Variants in MAN1C1 observed in about 807,000 individuals in gnomAD.
MAN1C1 encodes mannosyl-oligosaccharide 1,2-alpha-mannosidase IC.
A neutral mutation model predicts 71.5 loss-of-function variants in MAN1C1; 49 were observed. The observed-to-expected ratio is 0.69, with a 90% CI of 0.54 to 0.87. The LOEUF (loss-of-function observed/expected upper bound fraction) is 0.87, where lower values mean the gene tolerates loss of function less well. Among genes scored for constraint, MAN1C1 ranks in the 40% least tolerant of loss-of-function variants. MAN1C1 has a pLI of 0.00. For synonymous variants in MAN1C1, 352 were observed against 343.7 expected (o/e 1.02, Z -0.27); for missense variants, 743 against 835.0 (o/e 0.89, Z 1.36).
chr1:25,653,467 T>C (rs967738602), intron 1 of MAN1C1, among the ~76,000 whole-genome samples: 1 of 152,224 alleles, frequency 6.6e-6, no homozygotes, highest in Non-Finnish European at 1.5e-5. Flanking sequence ...TTTTGTGTTG[T>C]GTTGTGACTA....
chr1:25,690,900 G>A (rs1370511208), intron 2 of MAN1C1, among the ~76,000 whole-genome samples: 1 of 152,208 alleles, frequency 6.6e-6, no homozygotes, highest in Non-Finnish European at 1.5e-5. Flanking sequence ...GTCAGGGGAG[G>A]CAGGGGAGGA....
intron 1 of MAN1C1, among the ~76,000 whole-genome samples, chr1:25,623,834 G>C (rs921183312): frequency 1.3e-5 from 2 of 152,186 alleles, no homozygotes; most frequent in Non-Finnish European, 2.9e-5. Context: ...TGGCAAAATT[G>C]GGAAGGATTT....
intron 2 of MAN1C1, among the ~76,000 whole-genome samples, chr1:25,688,714 C>G (rs546013552): frequency 1.3e-5 from 2 of 152,322 alleles, no homozygotes; most frequent in African/African-American, 4.8e-5. Flanking sequence ...GTGGCCAAAT[C>G]CAAGGCACTT....
chr1:25,714,646 A>T (rs2046656556), intron 2 of MAN1C1, among the ~76,000 whole-genome samples: 1 of 152,212 alleles, frequency 6.6e-6, no homozygotes, highest in South Asian at 2.1e-4. Context: ...ACTAATTCTC[A>T]GATTAACATT....
chr1:25,679,545 T>C (rs2046116462), intron 1 of MAN1C1, among the ~76,000 whole-genome samples: 1 of 146,874 alleles, frequency 6.8e-6, no homozygotes, highest in African/African-American at 2.7e-5. Flanking sequence ...CCAGTAAAAT[T>C]TCCTAAATGA....
intron 1 of MAN1C1, among the ~76,000 whole-genome samples, chr1:25,621,455 G>T (rs886680438): frequency 2.6e-5 from 4 of 152,138 alleles, no homozygotes; most frequent in African/African-American, 7.2e-5. Context: ...TAGGAAATGG[G>T]GGATGTCATT....
chr1:25,636,425 A>G (rs1247536333), intron 1 of MAN1C1, among the ~76,000 whole-genome samples: 1 of 152,130 alleles, frequency 6.6e-6, no homozygotes, highest in African/African-American at 2.4e-5. Context: ...CAGGGTATTA[A>G]TTATTAATAT....
chr1:25,624,226 C>G (rs188731530), intron 1 of MAN1C1, among the ~76,000 whole-genome samples: 64 of 152,306 alleles, frequency 4.2e-4, no homozygotes, highest in African/African-American at 1.4e-3. Flanking sequence ...CCTCACTCCC[C>G]CTTCACTCTG....
At chr1:25,736,365 GC>G (rs1006632056) in intron 2 of MAN1C1, among the ~76,000 whole-genome samples, 1 of 152,088 alleles carries the variant, frequency 6.6e-6, no homozygotes, top group Non-Finnish European at 1.5e-5. Flanking sequence ...TGTGATAACA[GC>G]CCCATGCATT....
chr1:25,771,730 G>A lies in MAN1C1; in HGVS notation c.1215G>A (p.Lys405=). 6.2e-7 allele frequency: 1 copy of A among 1,614,176 alleles called. No individual in the cohort carries two copies. Among genetic ancestry groups the A allele is most frequent in the Non-Finnish European group, 8.5e-7 (1 of 1,180,018 alleles). ...YLIKSWLMSG[K]TDMEAKNMYY... is the part of the protein sequence containing the mutation. ...TCAAATCCTGGTTGATGTCGGGCAA[G>A]ACAGATATGGAGGCTAAAAATATGT... The change falls in exon 8 of 12, where the codon AAG becomes AAA. Residue 405 remains lysine (K), a synonymous_variant. Coordinates refer to ENST00000374332, the MANE Select transcript of MAN1C1 (RefSeq NM_020379.4).
chr1:25,665,240 G>A (rs1029863011), intron 1 of MAN1C1, among the ~76,000 whole-genome samples: 2 of 152,120 alleles, frequency 1.3e-5, no homozygotes, highest in African/African-American at 2.4e-5. Flanking sequence ...GCCTGGTAAC[G>A]TCCCTTTGTG....
chr1:25,688,398 C>T (rs1374060717), intron 2 of MAN1C1, among the ~76,000 whole-genome samples: 1 of 152,180 alleles, frequency 6.6e-6, no homozygotes, highest in African/African-American at 2.4e-5. Flanking sequence ...AAGAAAGCTT[C>T]CTCCTTCTCT....
intron 4 of MAN1C1, among the ~76,000 whole-genome samples, chr1:25,751,733 CCGATTT>C (rs1227170334): frequency 1.3e-5 from 2 of 152,202 alleles, no homozygotes; most frequent in Non-Finnish European, 2.9e-5. Flanking sequence ...CATGTTATCA[CCGATTT>C]GCAGATGAGG....
At chr1:25,747,238 C>T (rs734328) in intron 3 of MAN1C1, among the ~76,000 whole-genome samples, 13,652 of 152,222 alleles carry the variant, frequency 0.09, 747 homozygotes, top group African/African-American at 0.15. Flanking sequence ...GTGGGGTGGG[C>T]GTGGAGTGGG....
At chr1:25,732,868 A>G (rs1464409520) in intron 2 of MAN1C1, among the ~76,000 whole-genome samples, 3 of 151,952 alleles carry the variant, frequency 2.0e-5, no homozygotes, top group Admixed American at 6.5e-5. Context: ...CTCCTTTCCA[A>G]TAATCATCAT....
At chr1:25,743,865 TAAC>T (rs2047093444) in intron 2 of MAN1C1, among the ~76,000 whole-genome samples, 1 of 152,180 alleles carries the variant, frequency 6.6e-6, no homozygotes, top group African/African-American at 2.4e-5. Flanking sequence ...TCTTGATCCG[TAAC>T]TGATCAGAGT....
intron 2 of MAN1C1, among the ~76,000 whole-genome samples, chr1:25,744,418 C>T (rs3767879): frequency 0.37 from 56,377 of 152,082 alleles, 12,778 homozygotes; most frequent in South Asian, 0.52. Flanking sequence ...TCAGCCCAAA[C>T]AGGGAAGCCA....
At chr1:25,668,943 G>C (rs1572135754) in intron 1 of MAN1C1, among the ~76,000 whole-genome samples, 1 of 152,168 alleles carries the variant, frequency 6.6e-6, no homozygotes, top group Non-Finnish European at 1.5e-5. Context: ...AGCCATCAGC[G>C]ACAGAAATCT....
rs1309681995 is a variant in MAN1C1, at chr1:25,769,004, C to A, written c.1142-2653C>A. On this transcript the variant is annotated intron_variant, in intron 7 of 11. Coordinates refer to ENST00000374332, the MANE Select transcript of MAN1C1 (RefSeq NM_020379.4). The surrounding 1 kb of genome is among the most constrained non-coding windows in gnomAD (Gnocchi z 4.8). ...ACTCCCCTCACATATACATACACTA[C>A]ACACTCCCCTCAGGCACACACACTA... 6.8e-6 allele frequency among the ~76,000 whole-genome samples: 1 copy of A among 147,932 alleles called. No individual in the cohort carries two copies. The highest frequency in any genetic ancestry group is 1.5e-5 in the Non-Finnish European group (1 of 66,670).
Sources: allele counts gnomAD v4.1 joint callset (sites outside exome capture counted in the v4.1 genomes callset), GRCh38; gene constraint gnomAD v4.1.1; non-coding constraint Gnocchi (gnomAD v3.1); transcripts MANE v1.5; gene names NCBI Gene and HGNC (gene_info 2026-07-23, HGNC 2026-07-21).